The following ARHGAP12 variants were observed in gnomAD, a reference collection of about 807,000 sequenced individuals.
ARHGAP12 encodes the protein Rho GTPase activating protein 12.
ARHGAP12 carries 64 observed loss-of-function variants against 108.6 expected under a neutral mutation model. The observed-to-expected ratio is 0.59, with a 90% CI of 0.48 to 0.73. The LOEUF is 0.73. Among genes scored for constraint, ARHGAP12 ranks in the 30% least tolerant of loss-of-function variants. ARHGAP12 has a pLI of 0.00. For missense variants in ARHGAP12, 940 were observed against 1,005.9 expected (o/e 0.93, Z 0.89); for synonymous variants, 312 against 337.2 (o/e 0.93, Z 0.82).
intron 3 of ARHGAP12, among the ~76,000 whole-genome samples, chr10:31,900,927 G>A (rs1337776583): frequency 1.3e-5 from 2 of 152,036 alleles, no homozygotes; most frequent in East Asian, 1.9e-4. Context: ...AAAAATGTAT[G>A]AAACTGGGCC....
chr10:31,811,842 G>A (rs1397025419), intron 15 of ARHGAP12, among the ~76,000 whole-genome samples: 1 of 151,776 alleles, frequency 6.6e-6, no homozygotes, highest in African/African-American at 2.4e-5. Context: ...CTAATTCTTT[G>A]TAGAGAGAGG....
chr10:31,863,563 G>A (rs1451963717), intron 3 of ARHGAP12, among the ~76,000 whole-genome samples: 1 of 152,140 alleles, frequency 6.6e-6, no homozygotes, highest in Non-Finnish European at 1.5e-5. Context: ...GTGGCCTTCA[G>A]CACAATCTAT....
chr10:31,895,412 C>T (rs1404800797), intron 3 of ARHGAP12, among the ~76,000 whole-genome samples: 1 of 151,430 alleles, frequency 6.6e-6, no homozygotes, highest in African/African-American at 2.4e-5. Flanking sequence ...AGAAAAAACC[C>T]CATCAACAAG....
At chr10:31,869,302 T>C (rs1001493596) in intron 3 of ARHGAP12, among the ~76,000 whole-genome samples, 4 of 152,152 alleles carry the variant, frequency 2.6e-5, no homozygotes, top group Non-Finnish European at 4.4e-5. Flanking sequence ...TTCAGGAAGC[T>C]GAAGCAGGAG....
intron 9 of ARHGAP12, among the ~76,000 whole-genome samples, chr10:31,834,280 T>C (rs11008669): frequency 0.2 from 30,791 of 152,212 alleles, 3,380 homozygotes; most frequent in East Asian, 0.47. Context: ...CGTTGAAATC[T>C]AATCTCAAAT....
chr10:31,815,394 G>A (rs1404386809), intron 13 of ARHGAP12, among the ~76,000 whole-genome samples: 1 of 152,206 alleles, frequency 6.6e-6, no homozygotes, highest in Admixed American at 6.5e-5. Context: ...ACAGGTACGT[G>A]AGTCTGTTTC....
intron 2 of ARHGAP12, among the ~76,000 whole-genome samples, chr10:31,909,138 A>C (rs1466224897): frequency 6.6e-6 from 1 of 152,130 alleles, no homozygotes; most frequent in South Asian, 2.1e-4. Context: ...TCAGTCACTT[A>C]TGACCAAAAC....
At chr10:31,915,595 C>G (rs920359164) in intron 1 of ARHGAP12, among the ~76,000 whole-genome samples, 4 of 152,058 alleles carry the variant, frequency 2.6e-5, no homozygotes, top group Non-Finnish European at 5.9e-5. Flanking sequence ...GATGTGTGCT[C>G]TCACCACTAA....
intron 3 of ARHGAP12, among the ~76,000 whole-genome samples, chr10:31,892,373 G>A (rs759658204): frequency 5.3e-5 from 8 of 152,068 alleles, no homozygotes; most frequent in African/African-American, 7.2e-5. Context: ...CCCAACTCAC[G>A]TGCAGAGACA....
At chr10:31,902,087 G>A (rs1838950642) in intron 3 of ARHGAP12, among the ~76,000 whole-genome samples, 2 of 151,974 alleles carry the variant, frequency 1.3e-5, no homozygotes, top group South Asian at 4.1e-4. Flanking sequence ...AAACAATTCT[G>A]AAAAAGAAGA....
intron 3 of ARHGAP12, among the ~76,000 whole-genome samples, chr10:31,862,916 A>C (rs1457545478): frequency 6.6e-6 from 1 of 152,234 alleles, no homozygotes; most frequent in Non-Finnish European, 1.5e-5. Context: ...AATGCTTTAA[A>C]ATACTGAATT....
chr10:31,873,513 T>C (rs115984679), intron 3 of ARHGAP12, among the ~76,000 whole-genome samples: 3,293 of 152,324 alleles, frequency 0.022, 132 homozygotes, highest in African/African-American at 0.075. Context: ...CCATGGCCAG[T>C]GGCTACTATC....
At chr10:31,925,596 GCCA>G (rs1840003065) in intron 1 of ARHGAP12, among the ~76,000 whole-genome samples, 1 of 152,082 alleles carries the variant, frequency 6.6e-6, no homozygotes, top group African/African-American at 2.4e-5. Context: ...ACATTGTATA[GCCA>G]TATCCCAGAG....
intron 16 of ARHGAP12, 44 bp downstream of exon 16, chr10:31,810,605 G>C (rs761971198): frequency 2.2e-6 from 3 of 1,335,268 alleles, no homozygotes; most frequent in Middle Eastern, 4.3e-4. Context: ...ACAAGAAGCT[G>C]GTTTGCTTAA....
At chr10:31,877,167 C>T (rs138262543) in intron 3 of ARHGAP12, among the ~76,000 whole-genome samples, 20 of 152,282 alleles carry the variant, frequency 1.3e-4, no homozygotes, top group African/African-American at 4.6e-4. Flanking sequence ...CCTTTTGGGA[C>T]GCTGTTGCGC....
At chr10:31,899,762 A>G (rs965917505) in intron 3 of ARHGAP12, among the ~76,000 whole-genome samples, 1 of 152,252 alleles carries the variant, frequency 6.6e-6, no homozygotes, top group Non-Finnish European at 1.5e-5. Context: ...GTGAGAAACT[A>G]TAAAAATTCT....
At chr10:31,819,256 C>T (rs1835322755) in intron 12 of ARHGAP12, among the ~76,000 whole-genome samples, 1 of 152,034 alleles carries the variant, frequency 6.6e-6, no homozygotes, top group Non-Finnish European at 1.5e-5. Context: ...GTGCTCGAGG[C>T]AGAACAATAA....
Position 31,908,859 on chromosome 10 carries a change from A to G in ARHGAP12, c.-4T>C, listed in dbSNP as rs1301825067. On this transcript the variant is annotated 5_prime_UTR_variant, in exon 3 of 20. Transcript: ENST00000344936. ...CACTTCTGTCAGCCATTTTCATTCA[A>G]TAATATTCACCTCTCAAAAAGGATG... 6.3e-7 allele frequency: 1 copy of G among 1,578,652 alleles called. No homozygotes were observed. The highest frequency in any genetic ancestry group is 8.6e-7 in the Non-Finnish European group (1 of 1,168,178).
At chr10:31,880,638 A>T (rs1837911740) in intron 3 of ARHGAP12, among the ~76,000 whole-genome samples, 1 of 152,186 alleles carries the variant, frequency 6.6e-6, no homozygotes, top group African/African-American at 2.4e-5. Context: ...AAATGTACAT[A>T]AGTTATCTGT....
Sources: allele counts gnomAD v4.1 joint callset (sites outside exome capture counted in the v4.1 genomes callset), GRCh38; gene constraint gnomAD v4.1.1; transcripts MANE v1.5; gene names NCBI Gene and HGNC (gene_info 2026-07-23, HGNC 2026-07-21).